TNNT1: variants seen among roughly 807,000 people sequenced by gnomAD.
TNNT1 encodes troponin T1, slow skeletal type.
In TNNT1, 53 loss-of-function variants were observed where a neutral mutation model predicts 50.6. The observed-to-expected ratio is 1.05, with a 90% confidence interval of 0.84 to 1.32. The LOEUF is 1.32. Ranked by LOEUF, TNNT1 falls within the 40% of genes most tolerant of loss-of-function variation. TNNT1 has a pLI of 0.00. For synonymous variants in TNNT1, 142 were observed against 138.0 expected (o/e 1.03, Z -0.20); for missense variants, 348 against 381.7 (o/e 0.91, Z 0.74).
At chr19:55,141,003 C>T (rs1186697921) in intron 8 of TNNT1, 43 bp from the exon 9 acceptor site, 7 of 1,608,032 alleles carry the variant, frequency 4.4e-6, no homozygotes, top group South Asian at 2.2e-5. Context: ...GACGTACCCC[C>T]AGTCTTCCTT....
intron 3 of TNNT1, 114 bp downstream of exon 3, chr19:55,146,894 G>A (rs1417214011): frequency 7.3e-7 from 1 of 1,372,640 alleles, no homozygotes; most frequent in Non-Finnish European, 9.8e-7. Context: ...GGGCGGGCGA[G>A]GGCCCGAGGG....
At chr19:55,135,810 C>T (rs990599283) in intron 11 of TNNT1, among the ~76,000 whole-genome samples, 3 of 152,130 alleles carry the variant, frequency 2.0e-5, no homozygotes, top group East Asian at 3.9e-4. Context: ...TGTGAGCCGC[C>T]GCGCCCGCCC....
intron 5 of TNNT1, 95 bp from the exon 6 acceptor site, chr19:55,145,660 C>A: frequency 7.0e-7 from 1 of 1,428,144 alleles, no homozygotes. Flanking sequence ...CCCCAAGCCT[C>A]GGCCCCCAGG....
chr19:55,147,806 G>A (rs530241247), intron 1 of TNNT1, among the ~76,000 whole-genome samples: 7,469 of 137,988 alleles, frequency 0.054, 304 homozygotes, highest in Non-Finnish European at 0.082. Context: ...GGCCTCCTGG[G>A]TCTGAGGGAG....
chr19:55,137,243 G>T, intron 10 of TNNT1, 31 bp from the exon 11 acceptor site: 1 of 1,496,298 alleles, frequency 6.7e-7, no homozygotes, highest in Non-Finnish European at 9.3e-7. Flanking sequence ...ACAGTAAACT[G>T]GGGGCCACAT....
chr19:55,140,212 C>A (rs375048024), intron 9 of TNNT1, among the ~76,000 whole-genome samples: 1 of 152,128 alleles, frequency 6.6e-6, no homozygotes, highest in East Asian at 1.9e-4. Context: ...GTCATCCCAG[C>A]ACTTTGGGAG....
intron 6 of TNNT1, among the ~76,000 whole-genome samples, chr19:55,144,038 CCT>C (rs1234724490): frequency 6.6e-6 from 1 of 151,638 alleles, no homozygotes; most frequent in South Asian, 2.1e-4. Context: ...CCTTGGAATC[CCT>C]CTCAGTCCAT....
chr19:55,133,007 TCTGAAATGGGCCCCA>T, intron 13 of TNNT1, 47 bp from the exon 14 acceptor site: 4 of 1,519,472 alleles, frequency 2.6e-6, no homozygotes, highest in Non-Finnish European at 3.6e-6. Context: ...CCCTCCAGTC[TCTGAAATGGGCCCCA>T]GGCCCTCAAT....
intron 11 of TNNT1, among the ~76,000 whole-genome samples, chr19:55,135,360 C>G (rs2085328464): frequency 6.6e-6 from 1 of 151,714 alleles, no homozygotes; most frequent in Non-Finnish European, 1.5e-5. Flanking sequence ...CATACCAGCC[C>G]TGGACTAAAA....
rs916754986 is a variant in TNNT1, at chr19:55,146,448, G to T, written c.92C>A (p.Pro31Gln). 11 of 1,359,806 alleles carry T rather than the reference G, an allele frequency of 8.1e-6. No homozygotes were observed. Among genetic ancestry groups the T allele is most frequent in the Non-Finnish European group, 1.1e-5 (11 of 1,047,596 alleles). 84.2% of individuals were successfully genotyped at this position (1,359,806 alleles called of 1,614,324 possible). A position where few individuals can be genotyped will look rare whatever the true frequency, so the allele number is the denominator to read the frequency against. Residue 31 changes from proline to glutamine, a missense_variant, in exon 5 of 14, where the codon CCG (proline) becomes CAG (glutamine). Transcript: ENST00000588981. ...GCCGCGGTTACCTGGCTCTGCCACC[G>T]GCTCCGGCTCTTCGGGGGCTGGGGA... The part of the protein sequence containing the change: ...EEEEAPEEPE[P>Q]VAEPEEERPK...
chr19:55,147,231 C>T, intron 1 of TNNT1, 63 bp from the exon 2 acceptor site: 1 of 1,541,374 alleles, frequency 6.5e-7, no homozygotes, highest in Non-Finnish European at 8.9e-7. Context: ...ACCTAGACTC[C>T]TGGGTGTGAG....
At chr19:55,144,444 A>C (rs1568846505) in intron 6 of TNNT1, among the ~76,000 whole-genome samples, 1 of 152,032 alleles carries the variant, frequency 6.6e-6, no homozygotes, top group South Asian at 2.1e-4. Context: ...CAGTGGTGTA[A>C]TCATAGCTCA....
intron 9 of TNNT1, chr19:55,140,657 G>T (rs1386646356): frequency 4.6e-6 from 1 of 219,744 alleles, no homozygotes; most frequent in East Asian, 8.9e-5. Flanking sequence ...CGCACCTGTA[G>T]TCCCAGCTAC....
At position 55,141,868 on chromosome 19, in the gene TNNT1, C is replaced by T. The variant is rs2085462504; in HGVS notation, c.181G>A (p.Val61Ile). 2 of 1,614,024 alleles carry T rather than the reference C, an allele frequency of 1.2e-6. No individual in the cohort carries two copies. The highest frequency in any genetic ancestry group is 1.7e-6 in the Non-Finnish European group (2 of 1,179,928). ...IPPKIPEGER[V>I]DFDDIHRKRM... is the part of the protein sequence containing the mutation. ...CTCTTGTCACTTACATCGAAGTCAA[C>T]GCGCTCCCCTTCTGGGATCTTTGGC... The change falls in exon 7 of 14, where the codon GTT becomes ATT. Residue 61 changes from valine (V) to isoleucine (I), a missense_variant. By Grantham distance (29) the Val-to-Ile change is conservative (BLOSUM62 3). Around this residue, in one of 3 missense-constraint regions of TNNT1, gnomAD observed 5 missense variants for 19.1 expected, o/e 0.26. Transcript: ENST00000588981.
intron 3 of TNNT1, 37 bp from the exon 4 acceptor site, chr19:55,146,744 C>G: frequency 6.8e-7 from 1 of 1,470,800 alleles, no homozygotes; most frequent in Non-Finnish European, 9.0e-7. Context: ...GCGTTAGGAG[C>G]TGGGGGAGGG....
In TNNT1 at chr19:55,132,714, C is replaced by T. The variant is rs1051185149; in HGVS notation, c.*201G>A. 1.4e-5 allele frequency: 9 copies of T among 621,266 alleles called. No individual in the cohort carries two copies. In the African/African-American group the frequency reaches 1.5e-4, roughly 10 times the overall value. 38.5% of individuals were successfully genotyped at this position (621,266 alleles called of 1,614,324 possible). ...AGCAGTGTGTGAAGGTTCAGCCTGC[C>T]GTACTTTAATGATTATTGGTGACAC... On this transcript the variant is annotated 3_prime_UTR_variant, in exon 14 of 14. Coordinates refer to ENST00000588981, the MANE Select transcript of TNNT1 (RefSeq NM_003283.6).
intron 11 of TNNT1, among the ~76,000 whole-genome samples, chr19:55,135,917 G>A (rs960633488): frequency 2.0e-5 from 3 of 152,082 alleles, no homozygotes; most frequent in Non-Finnish European, 2.9e-5. Context: ...ATCCTTTCCC[G>A]TCTCCACACT....
intron 9 of TNNT1, 113 bp downstream of exon 9, chr19:55,140,770 C>T (rs2085434435): frequency 4.0e-6 from 3 of 746,794 alleles, no homozygotes; most frequent in South Asian, 6.8e-5. Flanking sequence ...GAGCTAGACT[C>T]CGTTTCAAAG....
At chr19:55,146,580 A>G in intron 4 of TNNT1, 101 bp downstream of exon 4, 1 of 1,214,490 alleles carries the variant, frequency 8.2e-7, no homozygotes, top group Non-Finnish European at 1.1e-6. Flanking sequence ...GAGGACCGGG[A>G]GCCGAGGCCG....
Sources: allele counts gnomAD v4.1 joint callset (sites outside exome capture counted in the v4.1 genomes callset), GRCh38; gene constraint gnomAD v4.1.1; regional missense constraint gnomAD v4.1.1; transcripts MANE v1.5; gene names NCBI Gene and HGNC (gene_info 2026-07-23, HGNC 2026-07-21).